The following CCDC178 variants were observed in gnomAD, a reference collection of about 807,000 sequenced individuals.
CCDC178 encodes the protein coiled-coil domain containing 178.
In CCDC178, 126 loss-of-function variants were observed where a neutral mutation model predicts 117.4. The observed-to-expected ratio is 1.07, with a 90% CI of 0.93 to 1.24. The LOEUF (loss-of-function observed/expected upper bound fraction) is 1.24. Among genes scored for constraint, CCDC178 ranks in the 50% most tolerant of loss-of-function variants. The pLI is 0.00. For synonymous variants in CCDC178, 283 were observed against 313.4 expected (o/e 0.90, Z 1.02); for missense variants, 1,030 against 986.9 (o/e 1.04, Z -0.59).
intron 20 of CCDC178, among the ~76,000 whole-genome samples, chr18:33,111,084 T>G (rs2626367): frequency 0.16 from 24,259 of 151,516 alleles, 2,723 homozygotes; most frequent in African/African-American, 0.32. Context: ...GTAGTTTTCT[T>G]CAGAGAAGAC....
chr18:33,333,417 A>C (rs1219701073), intron 9 of CCDC178, 23 bp from the exon 10 acceptor site: 2 of 1,246,046 alleles, frequency 1.6e-6, no homozygotes, highest in Non-Finnish European at 2.2e-6. Context: ...GGATAAGAAC[A>C]AAAGAAAATC....
intron 9 of CCDC178, among the ~76,000 whole-genome samples, chr18:33,335,594 T>C (rs1210008121): frequency 6.6e-6 from 1 of 152,064 alleles, no homozygotes; most frequent in Non-Finnish European, 1.5e-5. Context: ...CTTCAAGTTT[T>C]ACAGTTAACT....
intron 20 of CCDC178, among the ~76,000 whole-genome samples, chr18:33,167,296 G>T (rs1248002494): frequency 3.3e-5 from 5 of 152,050 alleles, no homozygotes; most frequent in Non-Finnish European, 7.4e-5. Flanking sequence ...TAATGGAATT[G>T]CTGGGTTAAA....
intron 20 of CCDC178, among the ~76,000 whole-genome samples, chr18:33,120,707 A>C (rs1188544453): frequency 6.6e-6 from 1 of 152,144 alleles, no homozygotes; most frequent in Non-Finnish European, 1.5e-5. Flanking sequence ...CAATAGTTAC[A>C]TGGATTTCTT....
At chr18:33,055,665 C>T (rs2056818080) in intron 21 of CCDC178, among the ~76,000 whole-genome samples, 1 of 152,138 alleles carries the variant, frequency 6.6e-6, no homozygotes. Flanking sequence ...TAACACTTAA[C>T]ATGAAAAGCT....
chr18:33,260,773 G>A (rs944341079), intron 14 of CCDC178, among the ~76,000 whole-genome samples: 20 of 151,942 alleles, frequency 1.3e-4, no homozygotes, highest in Non-Finnish European at 2.2e-4. Flanking sequence ...GATAGGTAGA[G>A]GTAAGACTTT....
intron 20 of CCDC178, among the ~76,000 whole-genome samples, chr18:33,126,100 G>A (rs1380316902): frequency 6.6e-6 from 1 of 152,154 alleles, no homozygotes; most frequent in Non-Finnish European, 1.5e-5. Flanking sequence ...GTGGACAGGA[G>A]ACAAGTGTGA....
intron 4 of CCDC178, among the ~76,000 whole-genome samples, chr18:33,394,943 G>GTATATATATATA (rs61298209): frequency 8.3e-4 from 51 of 61,496 alleles, no homozygotes; most frequent in African/African-American, 9.7e-4. Flanking sequence ...ATATGTATGT[G>GTATATATATATA]TATATATATA....
At chr18:33,265,994 T>C (rs1295729114) in intron 14 of CCDC178, among the ~76,000 whole-genome samples, 2 of 152,016 alleles carry the variant, frequency 1.3e-5, no homozygotes, top group Admixed American at 6.6e-5. Context: ...TGAAAACTCA[T>C]AGGTTTCCAA....
chr18:33,244,029 A>G (rs982792188), intron 15 of CCDC178, among the ~76,000 whole-genome samples: 4 of 152,038 alleles, frequency 2.6e-5, no homozygotes, highest in Non-Finnish European at 5.9e-5. Context: ...CACTTATCTC[A>G]TAGAAGATAT....
chr18:33,034,575 G>A (rs1278509841), intron 21 of CCDC178, among the ~76,000 whole-genome samples: 1 of 151,874 alleles, frequency 6.6e-6, no homozygotes, highest in African/African-American at 2.4e-5. Context: ...TGTAATGCTG[G>A]CTAGTCATTC....
chr18:33,230,863 C>T (rs2059360751), intron 15 of CCDC178, among the ~76,000 whole-genome samples: 1 of 152,182 alleles, frequency 6.6e-6, no homozygotes, highest in Admixed American at 6.5e-5. Context: ...CTGCCTTCTC[C>T]AGAAACGTGG....
intron 12 of CCDC178, among the ~76,000 whole-genome samples, chr18:33,274,550 A>T (rs780104344): frequency 4.6e-5 from 7 of 151,976 alleles, no homozygotes; most frequent in Non-Finnish European, 1.0e-4. Flanking sequence ...TGTACTTAGA[A>T]AATGGAAACT....
At chr18:33,043,657 T>G (rs1000419463) in intron 21 of CCDC178, among the ~76,000 whole-genome samples, 1 of 152,014 alleles carries the variant, frequency 6.6e-6, no homozygotes. Context: ...CAGGGTATAA[T>G]TCAAGTATCA....
intron 20 of CCDC178, among the ~76,000 whole-genome samples, chr18:33,098,853 T>A (rs1419239740): frequency 1.3e-5 from 2 of 152,054 alleles, no homozygotes; most frequent in South Asian, 4.1e-4. Context: ...TAATTCCTGT[T>A]CGCCAAGGAT....
chr18:33,232,052 T>C (rs527507204), intron 15 of CCDC178, among the ~76,000 whole-genome samples: 10 of 152,272 alleles, frequency 6.6e-5, no homozygotes, highest in Admixed American at 6.5e-4. Context: ...AACGACTCAA[T>C]TCTGGTTTTG....
intron 21 of CCDC178, among the ~76,000 whole-genome samples, chr18:33,085,359 C>T (rs1343898344): frequency 3.9e-5 from 6 of 152,090 alleles, no homozygotes; most frequent in Non-Finnish European, 8.8e-5. Flanking sequence ...GTCAGGGGAT[C>T]GAGACCATCC....
chr18:33,254,031 T>C (rs1384465251), intron 14 of CCDC178, among the ~76,000 whole-genome samples: 2 of 151,834 alleles, frequency 1.3e-5, no homozygotes, highest in East Asian at 1.9e-4. Context: ...TAGTGTTCTC[T>C]GCTTTAGTGA....
intron 15 of CCDC178, among the ~76,000 whole-genome samples, chr18:33,227,570 A>G (rs1162134637): frequency 6.9e-6 from 1 of 144,832 alleles, no homozygotes; most frequent in African/African-American, 2.5e-5. Flanking sequence ...ATATATATAT[A>G]TATATATATA....
Sources: allele counts gnomAD v4.1 joint callset (sites outside exome capture counted in the v4.1 genomes callset), GRCh38; gene constraint gnomAD v4.1.1; transcripts MANE v1.5; gene names NCBI Gene and HGNC (gene_info 2026-07-23, HGNC 2026-07-21).